PHF14: variants seen among roughly 807,000 people sequenced by gnomAD.
The protein encoded by PHF14 is PHD finger protein 14.
PHF14 carries 55 observed loss-of-function variants against 117.9 expected under a neutral mutation model. The ratio of observed to expected loss-of-function variants is 0.47; its 90% CI spans 0.38 to 0.58. The LOEUF is 0.58. Ranked by LOEUF, PHF14 falls within the 20% of genes least tolerant of loss-of-function variation. The pLI is 0.00. For synonymous variants in PHF14, 409 were observed against 368.6 expected (o/e 1.11, Z -1.26); for missense variants, 978 against 1,122.2 (o/e 0.87, Z 1.84).
intron 17 of PHF14, among the ~76,000 whole-genome samples, chr7:11,161,047 G>A (rs571359379): frequency 6.6e-6 from 1 of 152,070 alleles, no homozygotes; most frequent in African/African-American, 2.4e-5. Flanking sequence ...ATAGTTTGAG[G>A]TCTTACATTT....
chr7:10,993,924 G>A (rs1001272207), intron 4 of PHF14, among the ~76,000 whole-genome samples: 1 of 151,496 alleles, frequency 6.6e-6, no homozygotes, highest in Non-Finnish European at 1.5e-5. Context: ...CAGGAGATTT[G>A]CTGGAACCTA....
At chr7:11,122,342 T>TAC (rs1399533469) in intron 17 of PHF14, among the ~76,000 whole-genome samples, 3 of 89,130 alleles carry the variant, frequency 3.4e-5, no homozygotes, top group East Asian at 1.4e-3. Context: ...TATATATATA[T>TAC]ATATATATAT....
At chr7:11,003,741 A>G (rs4720927) in intron 4 of PHF14, among the ~76,000 whole-genome samples, 1,857 of 152,288 alleles carry the variant, frequency 0.012, 27 homozygotes, top group African/African-American at 0.043. Context: ...ATTCATTAAA[A>G]TATTCTTAAT....
intron 16 of PHF14, among the ~76,000 whole-genome samples, chr7:11,102,166 T>A (rs1787116103): frequency 6.6e-6 from 1 of 151,888 alleles, no homozygotes; most frequent in East Asian, 1.9e-4. Flanking sequence ...AATATTTCCT[T>A]TTATAAATAC....
chr7:11,108,456 C>T (rs1238259811), intron 16 of PHF14: 1 of 151,552 alleles, frequency 6.6e-6, no homozygotes, highest in Non-Finnish European at 1.5e-5. Flanking sequence ...TGAGCTAGAA[C>T]CTCAGAGAAC....
intron 17 of PHF14, among the ~76,000 whole-genome samples, chr7:11,132,289 C>G (rs1168188661): frequency 7.0e-6 from 1 of 142,920 alleles, no homozygotes; most frequent in African/African-American, 2.6e-5. Flanking sequence ...TTTGTTCTGT[C>G]TGTATAATTG....
intron 14 of PHF14, among the ~76,000 whole-genome samples, chr7:11,056,984 GC>G (rs1176286718): frequency 3.3e-5 from 5 of 151,856 alleles, no homozygotes; most frequent in Non-Finnish European, 5.9e-5. Context: ...TTGGAATTTT[GC>G]CCATGAATAA....
rs1420704020 is a variant in PHF14 at position 11,013,698 on chromosome 7, C to CT, written c.1046-46dup. 11 of 1,067,824 alleles carry CT rather than the reference C, an allele frequency of 1.0e-5. No homozygotes were observed. The South Asian group carries it at 2.2e-4, about 21-fold the overall frequency. 66.1% of individuals were successfully genotyped at this position (1,067,824 alleles called of 1,614,324 possible). On this transcript the variant is annotated intron_variant, in intron 4 of 17. Transcript: ENST00000634607. ...CTTTTTCTTTTGTGATTTTATGTGA[C>CT]TTTAACAAAATAAACCCTATTTAAT...
chr7:11,096,020 G>A (rs1296034426), intron 16 of PHF14, among the ~76,000 whole-genome samples: 1 of 152,106 alleles, frequency 6.6e-6, no homozygotes, highest in Non-Finnish European at 1.5e-5. Context: ...AGTCCACTGA[G>A]AATCCCAAGA....
At chr7:11,066,649 A>C (rs1281286303) in intron 16 of PHF14, among the ~76,000 whole-genome samples, 1 of 152,216 alleles carries the variant, frequency 6.6e-6, no homozygotes, top group African/African-American at 2.4e-5. Flanking sequence ...CCCCATGTGG[A>C]TTCCCAGTAT....
At chr7:11,099,378 C>T (rs1437963776) in intron 16 of PHF14, among the ~76,000 whole-genome samples, 5 of 151,810 alleles carry the variant, frequency 3.3e-5, no homozygotes, top group Non-Finnish European at 7.4e-5. Context: ...TTAATAGATG[C>T]AGTATAGTCA....
At chr7:11,002,615 G>A (rs767400957) in intron 4 of PHF14, among the ~76,000 whole-genome samples, 3 of 151,626 alleles carry the variant, frequency 2.0e-5, no homozygotes, top group Non-Finnish European at 4.4e-5. Flanking sequence ...CTAATTTTTT[G>A]TATTTTTATT....
intron 4 of PHF14, among the ~76,000 whole-genome samples, chr7:11,001,666 T>C (rs2353339): frequency 0.015 from 2,278 of 152,314 alleles, 44 homozygotes; most frequent in African/African-American, 0.052. Context: ...ATTTCAATTC[T>C]ACTTGTTCAT....
chr7:10,980,817 T>G (rs1028894396), intron 2 of PHF14, among the ~76,000 whole-genome samples: 1 of 152,200 alleles, frequency 6.6e-6, no homozygotes, highest in African/African-American at 2.4e-5. Flanking sequence ...ATGTTCCATG[T>G]TACCCTTGAA....
chr7:11,088,128 A>G (rs554459095), intron 16 of PHF14, among the ~76,000 whole-genome samples: 10 of 152,276 alleles, frequency 6.6e-5, no homozygotes, highest in African/African-American at 2.4e-4. Flanking sequence ...CTTATGTAAA[A>G]TGCCATCATG....
intron 17 of PHF14, among the ~76,000 whole-genome samples, chr7:11,118,238 G>C (rs375902128): frequency 1.6e-4 from 25 of 151,972 alleles, no homozygotes; most frequent in African/African-American, 5.8e-4. Context: ...ACTGTGGTAT[G>C]TGGTTATCCT....
chr7:11,063,259 G>C, intron 16 of PHF14: 1 of 984,834 alleles, frequency 1.0e-6, no homozygotes, highest in Non-Finnish European at 1.2e-6. Flanking sequence ...GAGCTATCCT[G>C]AAGGTTAAGT....
At chr7:10,975,496 A>G (rs1207573325) in intron 2 of PHF14, among the ~76,000 whole-genome samples, 1 of 152,134 alleles carries the variant, frequency 6.6e-6, no homozygotes, top group Non-Finnish European at 1.5e-5. Flanking sequence ...CTTGCTCACT[A>G]TATTTAGTAA....
intron 16 of PHF14, among the ~76,000 whole-genome samples, chr7:11,098,541 C>T (rs956114044): frequency 1.1e-4 from 17 of 152,270 alleles, no homozygotes; most frequent in African/African-American, 3.6e-4. Context: ...CCTTCTGGCT[C>T]GTTTCCTCAC....
Sources: gnomAD v4.1 joint callset for allele counts (sites outside exome capture counted in the v4.1 genomes callset) on GRCh38, gnomAD v4.1.1 for gene constraint, MANE v1.5 for transcripts, NCBI Gene and HGNC (gene_info 2026-07-23, HGNC 2026-07-21) for gene names.